The following DHX15 variants were observed in gnomAD, a reference collection of about 807,000 sequenced individuals.
DHX15 encodes the protein ATP-dependent RNA helicase DHX15.
In DHX15, 11 loss-of-function variants were observed where a neutral mutation model predicts 94.4. The ratio of observed to expected loss-of-function variants is 0.12; its 90% CI spans 0.07 to 0.19. The LOEUF is 0.19. Among genes scored for constraint, DHX15 ranks in the 10% least tolerant of loss-of-function variants. The pLI is 1.00. For synonymous variants in DHX15, 338 were observed against 329.9 expected (o/e 1.02, Z -0.27); for missense variants, 304 against 988.5 (o/e 0.31, Z 9.29).
intron 5 of DHX15, 106 bp from the exon 6 acceptor site, chr4:24,549,128 T>C: frequency 2.3e-6 from 2 of 871,410 alleles, no homozygotes; most frequent in Non-Finnish European, 3.2e-6. Flanking sequence ...CTTCTTTCAC[T>C]TCATGGATAC....
intron 7 of DHX15, among the ~76,000 whole-genome samples, chr4:24,542,452 A>G (rs1462189538): frequency 6.6e-6 from 1 of 152,222 alleles, no homozygotes; most frequent in Non-Finnish European, 1.5e-5. Context: ...CAATTTATCC[A>G]AAAGATATTT....
intron 2 of DHX15, among the ~76,000 whole-genome samples, chr4:24,575,055 G>A (rs775429668): frequency 1.1e-4 from 17 of 152,082 alleles, no homozygotes; most frequent in Non-Finnish European, 2.4e-4. Context: ...TACTTGGGAG[G>A]CTGAGGCAGG....
chr4:24,541,183 C>T (rs575074024), intron 8 of DHX15, among the ~76,000 whole-genome samples: 1 of 152,192 alleles, frequency 6.6e-6, no homozygotes, highest in East Asian at 1.9e-4. Flanking sequence ...GAAAGAAATT[C>T]GTATAGTAGT....
intron 2 of DHX15, among the ~76,000 whole-genome samples, chr4:24,573,602 T>C (rs1342133776): frequency 6.6e-6 from 1 of 152,156 alleles, no homozygotes; most frequent in African/African-American, 2.4e-5. Flanking sequence ...ATATGTTCAC[T>C]AGACAGGAGT....
chr4:24,558,274 A>C (rs1314085212), intron 3 of DHX15, among the ~76,000 whole-genome samples: 1 of 152,162 alleles, frequency 6.6e-6, no homozygotes, highest in African/African-American at 2.4e-5. Flanking sequence ...GTAGATTGTG[A>C]GACACATTGT....
intron 2 of DHX15, among the ~76,000 whole-genome samples, chr4:24,573,159 C>A (rs1028124183): frequency 3.9e-5 from 6 of 152,328 alleles, no homozygotes; most frequent in African/African-American, 1.4e-4. Flanking sequence ...AATCTGCCCG[C>A]CTCAGCATCC....
intron 1 of DHX15, among the ~76,000 whole-genome samples, chr4:24,581,321 C>G (rs1001694963): frequency 2.0e-4 from 30 of 152,178 alleles, no homozygotes; most frequent in African/African-American, 7.2e-4. Flanking sequence ...AGCCATTGCG[C>G]CCGGCCTATG....
chr4:24,530,853 T>TAA (rs1384990344), intron 12 of DHX15: 2 of 152,214 alleles, frequency 1.3e-5, no homozygotes, highest in Non-Finnish European at 2.9e-5. Flanking sequence ...AAATATTTAC[T>TAA]AAACACCTAT....
intron 2 of DHX15, among the ~76,000 whole-genome samples, chr4:24,574,007 C>A (rs1304174679): frequency 6.6e-6 from 1 of 150,422 alleles, no homozygotes; most frequent in East Asian, 1.9e-4. Context: ...ACCAGCCTGG[C>A]CAACAGGGTG....
At chr4:24,562,294 T>C (rs1166445578) in intron 3 of DHX15, among the ~76,000 whole-genome samples, 1 of 152,204 alleles carries the variant, frequency 6.6e-6, no homozygotes, top group Non-Finnish European at 1.5e-5. Context: ...CACTGTTTAA[T>C]CTGAGTAATT....
At chr4:24,529,536 A>T in intron 13 of DHX15, 65 bp downstream of exon 13, 1 of 1,409,088 alleles carries the variant, frequency 7.1e-7, no homozygotes, top group Non-Finnish European at 1.0e-6. Flanking sequence ...TGACTCTAGC[A>T]ACAGTCAGGT....
At chr4:24,547,879 C>CTATGTATG (rs1560765544) in intron 6 of DHX15, among the ~76,000 whole-genome samples, 1 of 69,022 alleles carries the variant, frequency 1.4e-5, no homozygotes, top group Non-Finnish European at 2.8e-5. Flanking sequence ...CTCTCTCTCT[C>CTATGTATG]TCTCTCTCTC....
rs114407350 is a variant in DHX15 at position 24,558,852 on chromosome 4, T to C, written c.702-2442A>G. Among the ~76,000 whole-genome samples, 877 of 152,270 alleles carry C rather than the reference T, an allele frequency of 5.8e-3. 6 individuals are homozygous for C. Among genetic ancestry groups the C allele is most frequent in the African/African-American group, 0.02 (834 of 41,568 alleles). On this transcript the variant is annotated intron_variant, in intron 3 of 13. Coordinates refer to ENST00000336812, the MANE Select transcript of DHX15 (RefSeq NM_001358.3). ...ACTTTTCCAGACTCTCAAAACCAGT[T>C]ACTAAGACTAGGTATCACTGTACTG...
At chr4:24,559,393 A>AG (rs1345545699) in intron 3 of DHX15, among the ~76,000 whole-genome samples, 52 of 151,748 alleles carry the variant, frequency 3.4e-4, no homozygotes, top group African/African-American at 1.2e-3. Context: ...AAAAAAAAAA[A>AG]AAAGAAACAG....
At chr4:24,551,468 T>A (rs1159361241) in intron 5 of DHX15, among the ~76,000 whole-genome samples, 1 of 152,124 alleles carries the variant, frequency 6.6e-6, no homozygotes, top group Non-Finnish European at 1.5e-5. Flanking sequence ...TTCAAACACA[T>A]CAGTTTTTTT....
chr4:24,575,221 T>C (rs1256975439), intron 2 of DHX15, among the ~76,000 whole-genome samples: 1 of 152,104 alleles, frequency 6.6e-6, no homozygotes, highest in African/African-American at 2.4e-5. Flanking sequence ...AAAAGCTTCC[T>C]ATTTTGGTTG....
chr4:24,564,821 T>C (rs1473903520), intron 3 of DHX15, among the ~76,000 whole-genome samples: 7 of 152,106 alleles, frequency 4.6e-5, no homozygotes, highest in Non-Finnish European at 1.0e-4. Context: ...AGGGAACATA[T>C]TTTGAATAAT....
At chr4:24,575,790 A>T (rs1382208005) in intron 2 of DHX15, among the ~76,000 whole-genome samples, 2 of 152,204 alleles carry the variant, frequency 1.3e-5, no homozygotes, top group Non-Finnish European at 2.9e-5. Context: ...CACTAGTAAC[A>T]GTGTTTAGTT....
chr4:24,578,174 T>C (rs960566177), intron 1 of DHX15, among the ~76,000 whole-genome samples: 7 of 152,094 alleles, frequency 4.6e-5, no homozygotes, highest in Non-Finnish European at 1.0e-4. Flanking sequence ...AGAAAATCAA[T>C]GGGAAAGAAA....
Sources: allele counts gnomAD v4.1 joint callset (sites outside exome capture counted in the v4.1 genomes callset), GRCh38; gene constraint gnomAD v4.1.1; transcripts MANE v1.5; gene names NCBI Gene and HGNC (gene_info 2026-07-23, HGNC 2026-07-21).